JADE1: variants seen among roughly 807,000 people sequenced by gnomAD.
JADE1 encodes the protein protein Jade-1.
JADE1 carries 14 observed loss-of-function variants against 81.8 expected under a neutral mutation model. That is an observed-to-expected ratio of 0.17 (90% CI 0.11 to 0.27). JADE1 has a LOEUF of 0.27. JADE1 is among the 10% of genes least tolerant of loss of function. The probability of loss-of-function intolerance (pLI) is 1.00; values close to 1 mark genes in which losing one functional copy is unlikely to be tolerated. For synonymous variants in JADE1, 353 were observed against 391.9 expected (o/e 0.90, Z 1.17); for missense variants, 690 against 1,047.9 (o/e 0.66, Z 4.71).
rs1006098309 is a variant in JADE1 at position 128,846,687 on chromosome 4, A to T, written c.296+155A>T. Among the ~76,000 whole-genome samples the T allele has an allele frequency of 6.6e-6, 1 of 152,194 alleles. No homozygotes were observed. The highest frequency in any genetic ancestry group is 1.5e-5 in the Non-Finnish European group (1 of 68,036). ...CCTCAAGTGGAAATAGAAATTCAGG[A>T]GCAACATACTTCAGGCATACAGGGT... On this transcript the variant is annotated intron_variant, in intron 4 of 10. Coordinates refer to ENST00000226319, the MANE Select transcript of JADE1 (RefSeq NM_199320.4). The surrounding 1 kb of genome is among the most constrained non-coding windows in gnomAD (Gnocchi z 4.0).
chr4:128,859,772 A>C (rs1286795653), intron 8 of JADE1, among the ~76,000 whole-genome samples: 1 of 152,188 alleles, frequency 6.6e-6, no homozygotes, highest in Non-Finnish European at 1.5e-5. Flanking sequence ...CCTTTTGAAG[A>C]GAGATGATAT....
chr4:128,874,820 T>C lies in JADE1; in HGVS notation c.*2558T>C, dbSNP rs576743891. 5.0e-4 allele frequency: 77 copies of C among 152,672 alleles called. No individual in the cohort carries two copies. The highest frequency in any genetic ancestry group is 5.6e-4 in the Non-Finnish European group (38 of 68,046). 9.5% of individuals were successfully genotyped at this position (152,672 alleles called of 1,614,324 possible). Reference sequence around the variant, plus strand: ...TGTATTATGTCAAAATGTAGGCTAGTTAAACTTTTGTAAAGTTGCCTGGAA... The same window carrying C: ...TGTATTATGTCAAAATGTAGGCTAGCTAAACTTTTGTAAAGTTGCCTGGAA... On this transcript the variant is annotated 3_prime_UTR_variant, in exon 11 of 11. Coordinates refer to ENST00000226319, the MANE Select transcript of JADE1 (RefSeq NM_199320.4).
intron 9 of JADE1, chr4:128,862,580 G>C: frequency 9.0e-7 from 1 of 1,109,098 alleles, no homozygotes; most frequent in Non-Finnish European, 1.1e-6. Flanking sequence ...AGTTGACTCA[G>C]GATGGTTTAC....
At chr4:128,815,120 G>GCTCCTTCTAAGCTCCGC (rs1726889058) in intron 1 of JADE1, among the ~76,000 whole-genome samples, 2 of 112,496 alleles carry the variant, frequency 1.8e-5, no homozygotes, top group Non-Finnish European at 3.7e-5. Flanking sequence ...TGCGATCTCG[G>GCTCCTTCTAAGCTCCGC]CTCCCTGTAA....
chr4:128,827,441 G>A (rs1369955929), intron 1 of JADE1, among the ~76,000 whole-genome samples: 1 of 152,212 alleles, frequency 6.6e-6, no homozygotes, highest in African/African-American at 2.4e-5. Flanking sequence ...GGAGCAACAG[G>A]AGCAGCATTA....
At chr4:128,827,784 G>T (rs1336576606) in intron 1 of JADE1, 2 of 687,488 alleles carry the variant, frequency 2.9e-6, no homozygotes, top group Non-Finnish European at 3.6e-6. Context: ...AACCCACAGG[G>T]CATATGGGGA....
At chr4:128,827,437 A>G (rs1728174713) in intron 1 of JADE1, among the ~76,000 whole-genome samples, 1 of 152,208 alleles carries the variant, frequency 6.6e-6, no homozygotes, top group African/African-American at 2.4e-5. Flanking sequence ...GCAAGGAGCA[A>G]CAGGAGCAGC....
At chr4:128,864,504 G>A in intron 9 of JADE1, 1 of 985,372 alleles carries the variant, frequency 1.0e-6, no homozygotes, top group Non-Finnish European at 1.2e-6. Flanking sequence ...TTGCCATGAT[G>A]CCTGTGATGG....
At position 128,832,639 on chromosome 4, in the gene JADE1, T is replaced by C. The variant is rs182344406; in HGVS notation, c.52+829T>C. 5.3e-5 allele frequency among the ~76,000 whole-genome samples: 8 copies of C among 152,326 alleles called. No homozygotes were observed. In the East Asian group the frequency reaches 1.5e-3, roughly 29 times the overall value. On this transcript the variant is annotated intron_variant, in intron 2 of 10. Transcript: ENST00000226319. Reference sequence around the variant, plus strand: ...GATGTGAAAGTCATCAGGGCAGTAATAGAGATGTCTTTTTGATGCACTGTG... The same window carrying C: ...GATGTGAAAGTCATCAGGGCAGTAACAGAGATGTCTTTTTGATGCACTGTG...
At position 128,871,783 on chromosome 4, in the gene JADE1, C is replaced by T; in HGVS notation, c.2050C>T (p.Pro684Ser). Residue 684 changes from proline to serine, a missense_variant, in exon 11 of 11, where the codon CCT becomes TCT. Transcript: ENST00000226319. The surrounding 1 kb of genome is among the most constrained non-coding windows in gnomAD (Gnocchi z 4.1). ...CAAATCTTTTAAACAGAGTCACAAGCCTCTCAGGTCCACAGATGTGTCCCA... is the reference window on the plus strand; with the variant it reads ...CAAATCTTTTAAACAGAGTCACAAGTCTCTCAGGTCCACAGATGTGTCCCA... ...KDKSFKQSHKPLRSTDVSQRH... is the reference protein window; with the variant it reads ...KDKSFKQSHKSLRSTDVSQRH... The T allele has an allele frequency of 1.9e-6, 3 of 1,614,148 alleles. No homozygotes were observed. The highest frequency in any genetic ancestry group is 2.5e-6 in the Non-Finnish European group (3 of 1,180,024).
At position 128,871,301 on chromosome 4, in the gene JADE1, T is replaced by C; in HGVS notation, c.1622-54T>C. On this transcript the variant is annotated intron_variant, in intron 10 of 10. Coordinates refer to ENST00000226319, the MANE Select transcript of JADE1 (RefSeq NM_199320.4). This position sits in a 1 kb window ranked among gnomAD's most constrained non-coding sequence, Gnocchi z 4.1. Reference sequence around the variant, plus strand: ...ACACTAAGGGTGTAGAATTTTATTCTTTTGGATTTGCTTCTGCTGTAATTT... The same window carrying C: ...ACACTAAGGGTGTAGAATTTTATTCCTTTGGATTTGCTTCTGCTGTAATTT... 1 of 1,524,900 alleles carries C rather than the reference T, an allele frequency of 6.6e-7. No homozygotes were observed. The highest frequency in any genetic ancestry group is 8.9e-7 in the Non-Finnish European group (1 of 1,122,486). 94.5% of individuals were successfully genotyped at this position (1,524,900 alleles called of 1,614,324 possible).
rs749884285 is a variant in JADE1 at position 128,846,494 on chromosome 4, G to A, written c.258G>A (p.Val86=). The change falls in exon 4 of 11, where the codon GTG becomes GTA. Residue 86 remains valine, a synonymous_variant. Transcript: ENST00000226319. This position sits in a 1 kb window ranked among gnomAD's most constrained non-coding sequence, Gnocchi z 4.0. ...WRQEWEKGVQ[V]PVSPGTIPQP... ...AGGAATGGGAGAAAGGGGTCCAGGT[G>A]CCTGTGAGCCCGGGGACCATCCCTC... is the stretch of plus-strand genomic sequence containing the variant. 1 of 1,614,184 alleles carries A rather than the reference G, an allele frequency of 6.2e-7. No individual in the cohort carries two copies. Among genetic ancestry groups the A allele is most frequent in the Non-Finnish European group, 8.5e-7 (1 of 1,180,032 alleles).
intron 1 of JADE1, among the ~76,000 whole-genome samples, chr4:128,819,469 C>T (rs559825606): frequency 2.0e-5 from 3 of 152,060 alleles, no homozygotes; most frequent in Non-Finnish European, 2.9e-5. Flanking sequence ...TCACACCCTC[C>T]GGGGGGGTCA....
Position 128,809,778 on chromosome 4 carries a change from G to A in JADE1, c.-126G>A, listed in dbSNP as rs1726168816. 1.3e-5 allele frequency: 2 copies of A among 152,034 alleles called. No individual in the cohort carries two copies. The highest frequency in any genetic ancestry group is 6.6e-5 in the Admixed American group (1 of 15,254). 9.4% of individuals were successfully genotyped at this position (152,034 alleles called of 1,614,324 possible). A position where few individuals can be genotyped will look rare whatever the true frequency, so the allele number is the denominator to read the frequency against. On this transcript the variant is annotated 5_prime_UTR_variant, in exon 1 of 11. Coordinates refer to ENST00000226319, the MANE Select transcript of JADE1 (RefSeq NM_199320.4). Reference sequence around the variant, plus strand: ...GTGTGTGCGCGCCGGCGAGAGCAGGGGCCCGCCCGGCTCCCCGCCCGCCGC... The same window carrying A: ...GTGTGTGCGCGCCGGCGAGAGCAGGAGCCCGCCCGGCTCCCCGCCCGCCGC...
intron 2 of JADE1, among the ~76,000 whole-genome samples, chr4:128,840,182 G>C (rs895163063): frequency 6.6e-6 from 1 of 152,144 alleles, no homozygotes; most frequent in Non-Finnish European, 1.5e-5. Flanking sequence ...TCATTATTTG[G>C]GTTGTGTTCT....
intron 2 of JADE1, among the ~76,000 whole-genome samples, chr4:128,841,272 ATTATC>A (rs1375322824): frequency 7.2e-5 from 11 of 152,212 alleles, no homozygotes; most frequent in Non-Finnish European, 1.5e-5. Flanking sequence ...GTGGAGGTGA[ATTATC>A]AGAAAGTTGG....
chr4:128,872,126 A>G lies in JADE1; in HGVS notation c.2393A>G (p.Asn798Ser), dbSNP rs748614522. 3.8e-5 allele frequency: 62 copies of G among 1,614,068 alleles called. No homozygotes were observed. Among genetic ancestry groups the G allele is most frequent in the Admixed American group, 6.7e-5 (4 of 60,012 alleles). ...ERAKSKLKSD[N>S]ENDGYVPDVE... Reference sequence around the variant, plus strand: ...GCAAAAAGCAAATTAAAATCCGACAATGAGAATGACGGGTATGTCCCCGAT... The same window carrying G: ...GCAAAAAGCAAATTAAAATCCGACAGTGAGAATGACGGGTATGTCCCCGAT... Residue 798 changes from asparagine to serine, a missense_variant, in exon 11 of 11, where the codon AAT becomes AGT. Physicochemically the swap from Asn to Ser is conservative, Grantham distance 46. This residue lies in a region of JADE1 where 218 missense variants were observed against 274.3 expected (regional missense o/e 0.79). Transcript: ENST00000226319.
At position 128,872,008 on chromosome 4, in the gene JADE1, C is replaced by T. The variant is rs202024182; in HGVS notation, c.2275C>T (p.Arg759Trp). ...GGFRIPKKGE[R>W]QQQGEAHDGA... ...ATTCCGGATTCCAAAGAAGGGGGAA[C>T]GGCAGCAGCAGGGAGAGGCCCACGA... The change falls in exon 11 of 11, where the codon CGG (arginine) becomes TGG (tryptophan). Residue 759 changes from arginine (R) to tryptophan (W), a missense_variant. Physicochemically the swap from Arg to Trp is moderately radical, Grantham distance 101. This residue lies in a region of JADE1 where 218 missense variants were observed against 274.3 expected (regional missense o/e 0.79). Coordinates refer to ENST00000226319, the MANE Select transcript of JADE1 (RefSeq NM_199320.4). 2.1e-5 allele frequency: 34 copies of T among 1,613,834 alleles called. No homozygotes were observed. Among genetic ancestry groups the T allele is most frequent in the Admixed American group, 5.0e-5 (3 of 59,984 alleles).
At chr4:128,844,900 C>T (rs2125853447) in intron 3 of JADE1, among the ~76,000 whole-genome samples, 1 of 152,304 alleles carries the variant, frequency 6.6e-6, no homozygotes, top group Non-Finnish European at 1.5e-5. Context: ...AAAGTGATCA[C>T]TAGCCTGAAA....
Sources: allele counts gnomAD v4.1 joint callset (sites outside exome capture counted in the v4.1 genomes callset), GRCh38; gene constraint gnomAD v4.1.1; regional missense constraint gnomAD v4.1.1; non-coding constraint Gnocchi (gnomAD v3.1); transcripts MANE v1.5; gene names NCBI Gene and HGNC (gene_info 2026-07-23, HGNC 2026-07-21).